The following BCR variants were observed in gnomAD, a reference collection of about 807,000 sequenced individuals.
BCR encodes the protein BCR activator of RhoGEF and GTPase.
Under a neutral mutation model 138.6 loss-of-function variants are expected in BCR, and 58 were observed. The ratio of observed to expected loss-of-function variants is 0.42; its 90% CI spans 0.34 to 0.52. BCR has a LOEUF of 0.52. Ranked by LOEUF, BCR falls within the 20% of genes least tolerant of loss-of-function variation. BCR has a pLI of 0.06. For synonymous variants in BCR, 786 were observed against 730.1 expected (o/e 1.08, Z -1.23); for missense variants, 1,599 against 1,727.2 (o/e 0.93, Z 1.32).
chr22:23,287,594 A>G (rs529239493), intron 11 of BCR, among the ~76,000 whole-genome samples: 94 of 152,308 alleles, frequency 6.2e-4, no homozygotes, highest in African/African-American at 2.2e-3. Flanking sequence ...AGGGCCAGAG[A>G]CACACCTTCT....
At chr22:23,220,884 T>C (rs2146231546) in intron 1 of BCR, among the ~76,000 whole-genome samples, 1 of 152,292 alleles carries the variant, frequency 6.6e-6, no homozygotes, top group Non-Finnish European at 1.5e-5. Flanking sequence ...GATAAGGGGC[T>C]AGATTTGCTT....
At chr22:23,212,438 A>G (rs1489865843) in intron 1 of BCR, among the ~76,000 whole-genome samples, 2 of 152,222 alleles carry the variant, frequency 1.3e-5, no homozygotes, top group African/African-American at 2.4e-5. Flanking sequence ...TCAGGACCCC[A>G]GGGCCTTAAC....
chr22:23,196,487 C>G (rs945931803), intron 1 of BCR, among the ~76,000 whole-genome samples: 5 of 152,160 alleles, frequency 3.3e-5, no homozygotes, highest in Non-Finnish European at 7.3e-5. Context: ...TGGGCAAGAA[C>G]TCGGAGGCTT....
chr22:23,242,097 GT>G (rs2073099815), intron 1 of BCR, among the ~76,000 whole-genome samples: 1 of 152,184 alleles, frequency 6.6e-6, no homozygotes, highest in South Asian at 2.1e-4. Context: ...AATGTCATTA[GT>G]TTTACAGGTG....
chr22:23,218,518 C>T (rs2072783354), intron 1 of BCR, among the ~76,000 whole-genome samples: 1 of 152,240 alleles, frequency 6.6e-6, no homozygotes, highest in Non-Finnish European at 1.5e-5. Context: ...GAAGCCACCA[C>T]CTCAGTCCCT....
chr22:23,182,344 T>G (rs2072280596), intron 1 of BCR, 105 bp downstream of exon 1: 1 of 1,316,230 alleles, frequency 7.6e-7, no homozygotes, highest in South Asian at 1.5e-5. Context: ...GTGGATAGTT[T>G]TGAGTGTATC....
chr22:23,315,139 T>G (rs180809), intron 22 of BCR, among the ~76,000 whole-genome samples: 61,363 of 150,994 alleles, frequency 0.41, 12,470 homozygotes, highest in East Asian at 0.6. Flanking sequence ...CAGGAGGATT[T>G]CTTGAGCCCA....
At position 23,297,059 on chromosome 22, in the gene BCR, G is replaced by A. The variant is rs116836431; in HGVS notation, c.3012+1904G>A. Among the ~76,000 whole-genome samples the A allele has an allele frequency of 7.2e-3, 1,102 of 152,174 alleles. 17 individuals are homozygous for A. The highest frequency in any genetic ancestry group is 0.035 in the South Asian group (167 of 4,810). On this transcript the variant is annotated intron_variant, in intron 16 of 22. Coordinates refer to ENST00000305877, the MANE Select transcript of BCR (RefSeq NM_004327.4). ...TGTTGTTGTTCTTTGTTTTCTTGAG[G>A]CAGTATCTGGCTGTGTCTCCCAGGC... is the stretch of plus-strand genomic sequence containing the variant.
Position 23,181,925 on chromosome 22 carries a change from AGGATTGC to A in BCR, c.969_975del (p.Asp323GlufsTer174). 1 of 1,613,084 alleles carries A rather than the reference AGGATTGC, an allele frequency of 6.2e-7. No homozygotes were observed. The highest frequency in any genetic ancestry group is 8.5e-7 in the Non-Finnish European group (1 of 1,179,902). On this transcript the variant is annotated frameshift_variant, in exon 1 of 23. Transcript: ENST00000305877. LOFTEE classifies it high-confidence loss of function. ...AGGTCCTACTCCCCCCGGAGTTTTGAGGATTGCGGAGGCGGCTATACCCCGGACTGCA... is the reference window on the plus strand; with the variant it reads ...AGGTCCTACTCCCCCCGGAGTTTTGAGGAGGCGGCTATACCCCGGACTGCA...
chr22:23,268,204 T>TCAGCACA (rs1393398558), intron 4 of BCR, among the ~76,000 whole-genome samples: 20 of 152,134 alleles, frequency 1.3e-4, no homozygotes, highest in African/African-American at 4.8e-4. Context: ...TCTCAGCATG[T>TCAGCACA]CATTTTGGGA....
In BCR at chr22:23,182,017, G is replaced by A. The variant is rs1285529312; in HGVS notation, c.1057G>A (p.Val353Met). The change falls in exon 1 of 23, where the codon GTG (valine) becomes ATG (methionine). Residue 353 changes from valine (V) to methionine (M), a missense_variant. Physicochemically the swap from Val to Met is conservative, Grantham distance 21 (BLOSUM62 1). This residue lies in a region of BCR where 806 missense variants were observed against 635.0 expected (regional missense o/e 1.27). Transcript: ENST00000305877. ...CTTCTCCTCTGGCCAGTCCAGCCGC[G>A]TGTCCCCAAGCCCCACCACCTACCG... is the stretch of plus-strand genomic sequence containing the variant. ...EDFSSGQSSR[V>M]SPSPTTYRMF... 7.4e-6 allele frequency: 12 copies of A among 1,612,644 alleles called. No individual in the cohort carries two copies. The East Asian group carries it at 2.5e-4, about 33-fold the overall frequency.
At chr22:23,226,771 G>T (rs899984984) in intron 1 of BCR, among the ~76,000 whole-genome samples, 1 of 152,186 alleles carries the variant, frequency 6.6e-6, no homozygotes. Context: ...GCTCTTTCCA[G>T]GAAAAGTTTG....
At chr22:23,207,278 A>G (rs2072628959) in intron 1 of BCR, among the ~76,000 whole-genome samples, 1 of 152,152 alleles carries the variant, frequency 6.6e-6, no homozygotes, top group Non-Finnish European at 1.5e-5. Context: ...CTGAGAAGTG[A>G]CTGACTCTGC....
intron 1 of BCR, among the ~76,000 whole-genome samples, chr22:23,230,409 C>A (rs1282998945): frequency 6.6e-6 from 1 of 152,182 alleles, no homozygotes; most frequent in East Asian, 1.9e-4. Context: ...AGGGTGGTGG[C>A]CCATACTGAT....
Position 23,280,114 on chromosome 22 carries a change from G to A in BCR, c.2116-3863G>A, listed in dbSNP as rs1205452606. 3.3e-5 allele frequency among the ~76,000 whole-genome samples: 5 copies of A among 152,196 alleles called. No homozygotes were observed. In the South Asian group the frequency reaches 1.0e-3, roughly 32 times the overall value. Reference sequence around the variant, plus strand: ...GCAAAGGCCCCACCTCCAGATACCAGCCCATTGGAGTTAGGGCCTCAGCAT... The same window carrying A: ...GCAAAGGCCCCACCTCCAGATACCAACCCATTGGAGTTAGGGCCTCAGCAT... On this transcript the variant is annotated intron_variant, in intron 8 of 22. Transcript: ENST00000305877.
intron 14 of BCR, among the ~76,000 whole-genome samples, chr22:23,291,608 C>T (rs774447857): frequency 4.2e-4 from 64 of 152,192 alleles, no homozygotes; most frequent in African/African-American, 1.4e-3. Flanking sequence ...CCGGGCTTGT[C>T]TCTCCTTGCC....
intron 16 of BCR, among the ~76,000 whole-genome samples, chr22:23,301,515 G>C (rs2073902105): frequency 6.6e-6 from 1 of 152,174 alleles, no homozygotes; most frequent in African/African-American, 2.4e-5. Flanking sequence ...CATGAATCTT[G>C]GATGGATGTT....
chr22:23,181,017 GC>G lies in BCR; in HGVS notation c.62del (p.Pro21ArgfsTer29). The G allele has an allele frequency of 2.0e-6, 3 of 1,492,762 alleles. No homozygotes were observed. Among genetic ancestry groups the G allele is most frequent in the Non-Finnish European group, 2.7e-6 (3 of 1,112,318 alleles). The allele number at this position is 1,492,762 out of a possible 1,614,324, so 92.5% of individuals were successfully genotyped here. A position where few individuals can be genotyped will look rare whatever the true frequency, so the allele number is the denominator to read the frequency against. On this transcript the variant is annotated frameshift_variant, in exon 1 of 23. Coordinates refer to ENST00000305877, the MANE Select transcript of BCR (RefSeq NM_004327.4). LOFTEE classifies it high-confidence loss of function. Reference sequence around the variant, plus strand: ...GGAAGGCGCAGTTCCCGGACTCAGAGCCCCCGCGCATGGAGCTGCGCTCAGT... The same window carrying G: ...GGAAGGCGCAGTTCCCGGACTCAGAGCCCCGCGCATGGAGCTGCGCTCAGT... ...AWKAQFPDSE[P>X]PRMELRSVGD...
chr22:23,266,056 CTT>C (rs1343430980), intron 4 of BCR, among the ~76,000 whole-genome samples: 1 of 152,050 alleles, frequency 6.6e-6, no homozygotes, highest in Non-Finnish European at 1.5e-5. Flanking sequence ...GTTCCTTAGA[CTT>C]TGCTTGTCTT....
Sources: gnomAD v4.1 joint callset for allele counts (sites outside exome capture counted in the v4.1 genomes callset) on GRCh38, gnomAD v4.1.1 for gene constraint, gnomAD v4.1.1 regional missense constraint, MANE v1.5 for transcripts, NCBI Gene and HGNC (gene_info 2026-07-23, HGNC 2026-07-21) for gene names.